FERMT2: variants seen among roughly 807,000 people sequenced by gnomAD.
FERMT2 encodes fermitin family homolog 2.
Under a neutral mutation model 82.7 loss-of-function variants are expected in FERMT2, and 15 were observed. The observed-to-expected ratio is 0.18, with a 90% CI of 0.12 to 0.28. The LOEUF (loss-of-function observed/expected upper bound fraction) is 0.28, where lower values mean the gene tolerates loss of function less well. Among genes scored for constraint, FERMT2 ranks in the 10% least tolerant of loss-of-function variants. The pLI is 1.00. For missense variants in FERMT2, 645 were observed against 809.4 expected, an observed-to-expected ratio of 0.80 and a Z score of 2.46; for synonymous variants, 274 against 271.5, an observed-to-expected ratio of 1.01 and a Z score of -0.09.
intron 3 of FERMT2, among the ~76,000 whole-genome samples, chr14:52,899,875 T>C (rs1026843315): frequency 6.6e-6 from 1 of 152,192 alleles, no homozygotes; most frequent in Non-Finnish European, 1.5e-5. Flanking sequence ...GATTTCTAAA[T>C]GTGTAAGAGT....
intron 7 of FERMT2, among the ~76,000 whole-genome samples, chr14:52,877,044 C>T (rs1037209496): frequency 2.6e-5 from 4 of 152,218 alleles, no homozygotes; most frequent in Admixed American, 2.0e-4. Context: ...GCCCAAGATA[C>T]ACTCGGGGAG....
At chr14:52,908,680 C>T (rs985001819) in intron 3 of FERMT2, among the ~76,000 whole-genome samples, 1 of 152,186 alleles carries the variant, frequency 6.6e-6, no homozygotes, top group African/African-American at 2.4e-5. Flanking sequence ...AGAGGGGCAT[C>T]AGGGAACTGT....
intron 7 of FERMT2, among the ~76,000 whole-genome samples, chr14:52,877,574 C>CTTTTTTTCTTT (rs1886042222): frequency 1.5e-5 from 1 of 67,060 alleles, no homozygotes; most frequent in Non-Finnish European, 2.5e-5. Context: ...GCTGTTCTTG[C>CTTTTTTTCTTT]TTTTTTTTTT....
chr14:52,948,858 TG>T (rs1292451506), intron 2 of FERMT2, among the ~76,000 whole-genome samples: 2 of 152,216 alleles, frequency 1.3e-5, no homozygotes, highest in Admixed American at 1.3e-4. Context: ...TGTATTAATA[TG>T]GTCCATTTAC....
chr14:52,881,393 C>A lies in FERMT2; in HGVS notation c.603G>T (p.Leu201Phe). 1 of 1,613,942 alleles carries A rather than the reference C, an allele frequency of 6.2e-7. No homozygotes were observed. Among genetic ancestry groups the A allele is most frequent in the Non-Finnish European group, 8.5e-7 (1 of 1,179,994 alleles). The change falls in exon 5 of 15, where the codon TTG becomes TTT. Residue 201 changes from leucine to phenylalanine, a missense_variant. Leu to Phe is a conservative substitution (Grantham distance 22, BLOSUM62 0). Transcript: ENST00000341590. ...PTYDAHDGSP[L>F]SPTSAWFGDS... ...CACCAAACCAAGCAGAAGTTGGTGA[C>A]AAGGGGCTTCCATCATGAGCATCAT...
At chr14:52,936,257 T>A (rs866078525) in intron 2 of FERMT2, among the ~76,000 whole-genome samples, 30 of 152,362 alleles carry the variant, frequency 2.0e-4, no homozygotes, top group African/African-American at 6.7e-4. Flanking sequence ...TTAATTGGCT[T>A]TTATGTTGTA....
At chr14:52,936,116 G>A (rs759943150) in intron 2 of FERMT2, among the ~76,000 whole-genome samples, 2 of 152,202 alleles carry the variant, frequency 1.3e-5, no homozygotes, top group Admixed American at 6.5e-5. Context: ...AATTCTAAGA[G>A]AGTAACATCA....
chr14:52,893,751 T>G (rs368548289), intron 3 of FERMT2, among the ~76,000 whole-genome samples: 6 of 152,280 alleles, frequency 3.9e-5, no homozygotes, highest in African/African-American at 1.4e-4. Flanking sequence ...TGTCCTTCAC[T>G]CATTCTGTAT....
At position 52,905,951 on chromosome 14, in the gene FERMT2, C is replaced by A. The variant is rs573433677; in HGVS notation, c.392-12524G>T. ...GAGGATTTCAAGTAAGTTGGGGTAA[C>A]AGGAACTTGATTTACTCTCCTGTTT... On this transcript the variant is annotated intron_variant, in intron 3 of 14. Coordinates refer to ENST00000341590, the MANE Select transcript of FERMT2 (RefSeq NM_006832.3). 9.2e-5 allele frequency among the ~76,000 whole-genome samples: 14 copies of A among 152,232 alleles called. No individual in the cohort carries two copies. In the South Asian group the frequency reaches 2.1e-3, roughly 23 times the overall value.
At chr14:52,899,504 G>A (rs573907683) in intron 3 of FERMT2, among the ~76,000 whole-genome samples, 2 of 152,120 alleles carry the variant, frequency 1.3e-5, no homozygotes, top group Admixed American at 1.3e-4. Context: ...GGATAGTCAC[G>A]ATCTCCTGAC....
chr14:52,921,957 C>A (rs1888977643), intron 2 of FERMT2, among the ~76,000 whole-genome samples: 1 of 152,078 alleles, frequency 6.6e-6, no homozygotes, highest in Non-Finnish European at 1.5e-5. Flanking sequence ...CCATCATATA[C>A]TCCCCGTGGG....
At chr14:52,933,703 T>C (rs1595014726) in intron 2 of FERMT2, among the ~76,000 whole-genome samples, 1 of 45,096 alleles carries the variant, frequency 2.2e-5, no homozygotes, top group Non-Finnish European at 3.7e-5. Context: ...AGAGCAAAAC[T>C]CCGTCTCAAA....
At position 52,940,528 on chromosome 14, in the gene FERMT2, G is replaced by T. The variant is rs534189840; in HGVS notation, c.157+9884C>A. Among the ~76,000 whole-genome samples, 30 of 152,290 alleles carry T rather than the reference G, an allele frequency of 2.0e-4. 1 individual carries two copies. In the South Asian group the frequency reaches 6.2e-3, roughly 32 times the overall value. On this transcript the variant is annotated intron_variant, in intron 2 of 14. Transcript: ENST00000341590. ...TGACCCTTTAATCCACAAGAGTATG[G>T]CTGTAGATATATTTAAAGACATTCA...
At chr14:52,917,837 C>A (rs780644309) in intron 3 of FERMT2, among the ~76,000 whole-genome samples, 2 of 152,190 alleles carry the variant, frequency 1.3e-5, no homozygotes, top group African/African-American at 2.4e-5. Flanking sequence ...AGCCTACAGG[C>A]ATAAGCAGCA....
intron 2 of FERMT2, among the ~76,000 whole-genome samples, chr14:52,926,937 G>A (rs1400773096): frequency 2.0e-5 from 3 of 152,100 alleles, no homozygotes; most frequent in Non-Finnish European, 2.9e-5. Context: ...ATTCTGGAAA[G>A]AATTATTTCT....
intron 12 of FERMT2, chr14:52,860,744 A>C: frequency 1.8e-6 from 1 of 564,886 alleles, no homozygotes; most frequent in Non-Finnish European, 3.1e-6. Context: ...GCATACACCT[A>C]ACGGTACTAC....
intron 4 of FERMT2, among the ~76,000 whole-genome samples, chr14:52,889,547 G>C (rs1476215920): frequency 1.3e-5 from 2 of 152,122 alleles, no homozygotes; most frequent in Non-Finnish European, 2.9e-5. Context: ...ATGATGCAAT[G>C]ACAAAGGTGC....
At chr14:52,872,766 C>T (rs1252868231) in intron 10 of FERMT2, 33 bp downstream of exon 10, 2 of 1,609,966 alleles carry the variant, frequency 1.2e-6, no homozygotes, top group Admixed American at 1.7e-5. Context: ...GGGGATGCCA[C>T]CATCAACAAC....
intron 2 of FERMT2, among the ~76,000 whole-genome samples, chr14:52,939,762 C>T (rs1890011355): frequency 6.6e-6 from 1 of 152,116 alleles, no homozygotes; most frequent in South Asian, 2.1e-4. Flanking sequence ...AAATCATTGC[C>T]ACCTTGCATA....
Sources: gnomAD v4.1 joint callset for allele counts (sites outside exome capture counted in the v4.1 genomes callset) on GRCh38, gnomAD v4.1.1 for gene constraint, MANE v1.5 for transcripts, NCBI Gene and HGNC (gene_info 2026-07-23, HGNC 2026-07-21) for gene names.